CIMIP6: variants seen among roughly 807,000 people sequenced by gnomAD.
The protein encoded by CIMIP6 is uncharacterized protein C2orf73.
the CIMIP6 span, among the ~76,000 whole-genome samples, chr2:54,353,669 A>T: frequency 1.3e-5 from 2 of 152,144 alleles, no homozygotes; most frequent in Non-Finnish European, 2.9e-5. Context: ...CAGAGTTCTA[A>T]AAAAGTTGAT....
the CIMIP6 span, among the ~76,000 whole-genome samples, chr2:54,382,834 A>C: frequency 6.6e-6 from 1 of 152,156 alleles, no homozygotes; most frequent in South Asian, 2.1e-4. Flanking sequence ...TATGTTCACA[A>C]ATTCTTTGAT....
chr2:54,359,028 A>C, the CIMIP6 span: 6 of 1,554,704 alleles, frequency 3.9e-6, no homozygotes, highest in East Asian at 1.4e-4. Context: ...TCTTTTATAC[A>C]TCAATATGAT....
At chr2:54,366,713 G>C in the CIMIP6 span, among the ~76,000 whole-genome samples, 3 of 151,598 alleles carry the variant, frequency 2.0e-5, no homozygotes, top group African/African-American at 7.3e-5. Flanking sequence ...TGGATGCAAG[G>C]CAGCAATGGA....
At chr2:54,379,806 T>C in the CIMIP6 span, among the ~76,000 whole-genome samples, 2 of 147,976 alleles carry the variant, frequency 1.4e-5, no homozygotes, top group East Asian at 2.0e-4. Context: ...TGAAACCCCA[T>C]CTCCACTTAA....
the CIMIP6 span, among the ~76,000 whole-genome samples, chr2:54,333,172 G>A: frequency 6.6e-6 from 1 of 152,184 alleles, no homozygotes; most frequent in Non-Finnish European, 1.5e-5. Context: ...GGAACTTATT[G>A]ACTAGTAAAG....
At chr2:54,347,474 G>C in the CIMIP6 span, among the ~76,000 whole-genome samples, 1 of 152,194 alleles carries the variant, frequency 6.6e-6, no homozygotes, top group Non-Finnish European at 1.5e-5. Flanking sequence ...TATGGCATAT[G>C]ATTTTTTGCT....
At chr2:54,331,978 A>G in the CIMIP6 span, among the ~76,000 whole-genome samples, 1 of 152,192 alleles carries the variant, frequency 6.6e-6, no homozygotes, top group South Asian at 2.1e-4. Context: ...AAACAAGTAA[A>G]CAAAAAACTA....
chr2:54,343,595 C>G, the CIMIP6 span: 1 of 583,696 alleles, frequency 1.7e-6, no homozygotes. Flanking sequence ...TTTCAGAACT[C>G]CACATTAGTA....
At chr2:54,346,536 A>C in the CIMIP6 span, among the ~76,000 whole-genome samples, 1 of 152,126 alleles carries the variant, frequency 6.6e-6, no homozygotes, top group African/African-American at 2.4e-5. Context: ...CCTCCATCCA[A>C]ACTTATCCTC....
the CIMIP6 span, among the ~76,000 whole-genome samples, chr2:54,348,648 C>T: frequency 6.6e-6 from 1 of 152,036 alleles, no homozygotes; most frequent in African/African-American, 2.4e-5. Context: ...TTTTAAAAAA[C>T]AAAATATTTT....
the CIMIP6 span, among the ~76,000 whole-genome samples, chr2:54,331,581 T>C: frequency 6.6e-6 from 1 of 152,112 alleles, no homozygotes; most frequent in Non-Finnish European, 1.5e-5. Flanking sequence ...AGGACTCTGC[T>C]ACAGCAAACA....
chr2:54,359,766 C>G, the CIMIP6 span, among the ~76,000 whole-genome samples: 1 of 151,894 alleles, frequency 6.6e-6, no homozygotes, highest in African/African-American at 2.4e-5. Flanking sequence ...TAGATGTTTG[C>G]TTTCATATTT....
At chr2:54,358,981 A>C in the CIMIP6 span, 4 of 1,547,064 alleles carry the variant, frequency 2.6e-6, no homozygotes, top group African/African-American at 5.5e-5. Flanking sequence ...CTCCTGGTAC[A>C]TCAGCAGAAC....
At chr2:54,372,627 T>C in the CIMIP6 span, among the ~76,000 whole-genome samples, 1 of 152,100 alleles carries the variant, frequency 6.6e-6, no homozygotes, top group Non-Finnish European at 1.5e-5. Context: ...CAACCAGCAG[T>C]CTTGGCAGAG....
At chr2:54,366,353 A>C in the CIMIP6 span, among the ~76,000 whole-genome samples, 1 of 152,218 alleles carries the variant, frequency 6.6e-6, no homozygotes, top group Non-Finnish European at 1.5e-5. Flanking sequence ...GACATCATCA[A>C]ACACACCTGG....
chr2:54,343,399 G>A, the CIMIP6 span, among the ~76,000 whole-genome samples: 26 of 152,082 alleles, frequency 1.7e-4, no homozygotes, highest in South Asian at 2.9e-3. Context: ...ATACATACAC[G>A]TGTACATATA....
chr2:54,360,369 G>A, the CIMIP6 span: 1 of 1,610,044 alleles, frequency 6.2e-7, no homozygotes, highest in African/African-American at 1.3e-5. Flanking sequence ...CCAGGTCTCT[G>A]CCAACAAAAT....
the CIMIP6 span, chr2:54,330,887 G>A: frequency 4.5e-6 from 6 of 1,333,858 alleles, no homozygotes; most frequent in South Asian, 7.3e-5. Flanking sequence ...GCGAGTCACA[G>A]TCGCCGCGCT....
chr2:54,337,345 A>T, the CIMIP6 span, among the ~76,000 whole-genome samples: 1 of 152,204 alleles, frequency 6.6e-6, no homozygotes, highest in Non-Finnish European at 1.5e-5. Flanking sequence ...TTTAAGGGCC[A>T]TATTGAGGGT....
Sources: gnomAD v4.1 joint callset for allele counts (sites outside exome capture counted in the v4.1 genomes callset) on GRCh38, gnomAD v4.1.1 for gene constraint, MANE v1.5 for transcripts, NCBI Gene and HGNC (gene_info 2026-07-23, HGNC 2026-07-21) for gene names.